Variants in LRR1 observed in about 807,000 individuals in gnomAD.
The protein encoded by LRR1 is leucine rich repeat protein 1.
Under a neutral mutation model 31.6 loss-of-function variants are expected in LRR1, and 29 were observed. The ratio of observed to expected loss-of-function variants is 0.92; its 90% CI spans 0.68 to 1.25. The LOEUF is 1.25. Ranked by LOEUF, LRR1 falls within the 50% of genes most tolerant of loss-of-function variation. LRR1 has a pLI of 0.00. For synonymous variants in LRR1, 179 were observed against 181.4 expected, an observed-to-expected ratio of 0.99 and a Z score of 0.10; for missense variants, 485 against 487.2, an observed-to-expected ratio of 1.00 and a Z score of 0.04.
At chr14:49,604,050 C>A (rs1220234779) in intron 2 of LRR1, among the ~76,000 whole-genome samples, 1 of 151,674 alleles carries the variant, frequency 6.6e-6, no homozygotes, top group African/African-American at 2.4e-5. Context: ...CACCTGTAAT[C>A]CCAGCACTTT....
At position 49,614,362 on chromosome 14, in the gene LRR1, A is replaced by C. The variant is rs1452631467; in HGVS notation, c.1111A>C (p.Thr371Pro). 6.2e-7 allele frequency: 1 copy of C among 1,614,014 alleles called. No individual in the cohort carries two copies. The change falls in exon 4 of 4, where the codon ACT (threonine) becomes CCT (proline). Residue 371 changes from threonine (T) to proline (P), a missense_variant. Thr to Pro is a conservative substitution (Grantham distance 38). Coordinates refer to ENST00000298288, the MANE Select transcript of LRR1 (RefSeq NM_152329.4). ...CTGTCTGAACTCTTTCATTCAAGGA[A>C]CTACTACCATGAATCTGCATTCTGT... ...RFCLNSFIQG[T>P]TTMNLHSVAH...
At chr14:49,602,553 C>G (rs1302284505) in intron 2 of LRR1, 85 bp downstream of exon 2, 1 of 1,150,582 alleles carries the variant, frequency 8.7e-7, no homozygotes, top group African/African-American at 1.5e-5. Context: ...GTCACCCAAG[C>G]TGAAGTACAG....
rs767979908 is a variant in LRR1, at chr14:49,612,527, GT to G, written c.1005-1723del. ...CATGTGGGAGACACTCCCTGGCAGA[GT>G]TTTTTAAAAAATGGTTACTTAAGCA... On this transcript the variant is annotated intron_variant, in intron 3 of 3. Coordinates refer to ENST00000298288, the MANE Select transcript of LRR1 (RefSeq NM_152329.4). 4.1e-6 allele frequency: 5 copies of G among 1,234,554 alleles called. No homozygotes were observed. The South Asian group carries it at 5.7e-5, about 14-fold the overall frequency. 76.5% of individuals were successfully genotyped at this position (1,234,554 alleles called of 1,614,324 possible).
At chr14:49,604,141 A>T (rs111645722) in intron 2 of LRR1, among the ~76,000 whole-genome samples, 21 of 147,772 alleles carry the variant, frequency 1.4e-4, no homozygotes, top group Admixed American at 1.4e-3. Context: ...TGTCTCCACA[A>T]AAAAAAAAAA....
intron 1 of LRR1, chr14:49,599,935 C>T: frequency 2.2e-6 from 3 of 1,381,348 alleles, no homozygotes; most frequent in South Asian, 1.4e-5. Context: ...AGGCTGAGCC[C>T]GGGGCCGGGG....
chr14:49,602,511 T>G (rs773512452), intron 2 of LRR1, 43 bp downstream of exon 2: 1 of 1,524,078 alleles, frequency 6.6e-7, no homozygotes, highest in Admixed American at 1.7e-5. Flanking sequence ...TGGCTGTATT[T>G]TCTTTATTTT....
chr14:49,603,743 G>T lies in LRR1; in HGVS notation c.282+1275G>T, dbSNP rs1265416120. The T allele has an allele frequency of 1.6e-5, 15 of 945,494 alleles. No homozygotes were observed. In the East Asian group the frequency reaches 1.8e-3, roughly 115 times the overall value. 58.6% of individuals were successfully genotyped at this position (945,494 alleles called of 1,614,324 possible). A position where few individuals can be genotyped will look rare whatever the true frequency, so the allele number is the denominator to read the frequency against. ...GAGTCTCTCCCTGTCACCCAGGCTG[G>T]ATTACAGTGGCGTGATCTCAGCTCA... On this transcript the variant is annotated intron_variant, in intron 2 of 3. Coordinates refer to ENST00000298288, the MANE Select transcript of LRR1 (RefSeq NM_152329.4).
chr14:49,601,111 A>G lies in LRR1; in HGVS notation c.184-1259A>G, dbSNP rs1176466682. On this transcript the variant is annotated intron_variant, in intron 1 of 3. Coordinates refer to ENST00000298288, the MANE Select transcript of LRR1 (RefSeq NM_152329.4). ...AAAGGTCGCTCCAAGCGTACAGGAG[A>G]TGGGCCATACCTGAGGAGAGAATGT... 7 of 1,611,120 alleles carry G rather than the reference A, an allele frequency of 4.3e-6. No individual in the cohort carries two copies. In the Admixed American group the frequency reaches 5.0e-5, roughly 12 times the overall value.
intron 3 of LRR1, among the ~76,000 whole-genome samples, chr14:49,613,825 TCAAAAG>T (rs1882603988): frequency 6.6e-6 from 1 of 152,004 alleles, no homozygotes; most frequent in Non-Finnish European, 1.5e-5. Flanking sequence ...AAAGTAAAAA[TCAAAAG>T]TTTGACTTGG....
At chr14:49,601,816 TAA>T (rs11319854) in intron 1 of LRR1, among the ~76,000 whole-genome samples, 38 of 90,722 alleles carry the variant, frequency 4.2e-4, no homozygotes, top group African/African-American at 6.8e-4. Context: ...TCCCAACTGC[TAA>T]AAAAAAAAAA....
Position 49,608,106 on chromosome 14 carries a change from C to G in LRR1, c.989C>G (p.Thr330Ser). The G allele has an allele frequency of 6.3e-7, 1 of 1,579,056 alleles. No homozygotes were observed. The highest frequency in any genetic ancestry group is 8.6e-7 in the Non-Finnish European group (1 of 1,166,804). The change falls in exon 3 of 4, where the codon ACC becomes AGC. Residue 330 changes from threonine to serine, a missense_variant. By Grantham distance (58) the Thr-to-Ser change is moderately conservative. Transcript: ENST00000298288. ...ACTTTATTGGAATCTTCTGCACGAA[C>G]CATATTACATAATAGGTAAGATTTT... ...PLTLLESSAR[T>S]ILHNRIPYGS...
chr14:49,606,113 G>C (rs1446069052), intron 2 of LRR1, among the ~76,000 whole-genome samples: 3 of 147,520 alleles, frequency 2.0e-5, no homozygotes. Context: ...TGCAACCTCT[G>C]CCTCCCAGTT....
Position 49,607,445 on chromosome 14 carries a change from G to A in LRR1, c.328G>A (p.Ala110Thr). ...AGGTTTCCTTTCAGCTATGAGACTG[G>A]CTCATAGAGGCTGTAATGTTGATAC... ...LKGFLSAMRL[A>T]HRGCNVDTPV... Residue 110 changes from alanine (A) to threonine (T), a missense_variant, in exon 3 of 4, where the codon GCT (alanine) becomes ACT (threonine). By Grantham distance (58) the Ala-to-Thr change is moderately conservative. This residue lies in a region of LRR1 where 260 missense variants were observed against 249.6 expected (regional missense o/e 1.04). Transcript: ENST00000298288. 1.9e-6 allele frequency: 3 copies of A among 1,606,096 alleles called. No individual in the cohort carries two copies. Among genetic ancestry groups the A allele is most frequent in the Non-Finnish European group, 2.5e-6 (3 of 1,176,944 alleles).
rs748800368 is a variant in LRR1, at chr14:49,608,019, TTTTTGGAAATAC to T, written c.908_919del (p.Gly303_Phe306del). On this transcript the variant is annotated inframe_deletion, in exon 3 of 4. Coordinates refer to ENST00000298288, the MANE Select transcript of LRR1 (RefSeq NM_152329.4). ...AATTTATCCCTTGAATACTTGGATC[TTTTTGGAAATAC>T]TTTTGAACAACCAAAAGTCCTTCCA... 1.2e-6 allele frequency: 2 copies of T among 1,613,614 alleles called. No homozygotes were observed. Among genetic ancestry groups the T allele is most frequent in the Admixed American group, 1.7e-5 (1 of 59,842 alleles).
chr14:49,600,475 T>A lies in LRR1; in HGVS notation c.183+1272T>A, dbSNP rs536327429. 162 of 1,588,910 alleles carry A rather than the reference T, an allele frequency of 1.0e-4. No homozygotes were observed. The African/African-American group carries it at 1.9e-3, about 19-fold the overall frequency. The stretch of plus-strand genomic sequence containing the variant: ...AAAGAGATAGGAGCATGCTGCTATG[T>A]GGAATGTTCAGCTTTAACCCAGAAG... On this transcript the variant is annotated intron_variant, in intron 1 of 3. Coordinates refer to ENST00000298288, the MANE Select transcript of LRR1 (RefSeq NM_152329.4).
chr14:49,613,303 C>T (rs181392552), intron 3 of LRR1, among the ~76,000 whole-genome samples: 1,895 of 148,152 alleles, frequency 0.013, 39 homozygotes, highest in African/African-American at 0.044. Context: ...TGTGCCACTG[C>T]GCTCCAGCCT....
chr14:49,607,759 AT>A lies in LRR1; in HGVS notation c.645del (p.Phe215LeufsTer3), dbSNP rs1882341742. The A allele has an allele frequency of 2.5e-6, 4 of 1,613,668 alleles. No individual in the cohort carries two copies. In the South Asian group the frequency reaches 4.4e-5, roughly 18 times the overall value. ...ACCTGAATGACAATCACTTGGAGTC[AT>A]TTAGTGTAGCCTTGTGTCATTCTAC... is the stretch of plus-strand genomic sequence containing the variant. ...LNLNDNHLES[F>X]SVALCHSTLQ... On this transcript the variant is annotated frameshift_variant, in exon 3 of 4. Coordinates refer to ENST00000298288, the MANE Select transcript of LRR1 (RefSeq NM_152329.4). LOFTEE classifies it high-confidence loss of function.
chr14:49,603,194 T>C (rs2139536695), intron 2 of LRR1, among the ~76,000 whole-genome samples: 1 of 144,072 alleles, frequency 6.9e-6, no homozygotes, highest in African/African-American at 2.6e-5. Context: ...TGCTATCCCA[T>C]ATAGCCGAAT....
chr14:49,604,147 A>C (rs1437551801), intron 2 of LRR1, among the ~76,000 whole-genome samples: 105 of 151,632 alleles, frequency 6.9e-4, no homozygotes, highest in South Asian at 4.8e-3. Context: ...CACAAAAAAA[A>C]AAAAAAAAAT....
Sources: allele counts gnomAD v4.1 joint callset (sites outside exome capture counted in the v4.1 genomes callset), GRCh38; gene constraint gnomAD v4.1.1; regional missense constraint gnomAD v4.1.1; transcripts MANE v1.5; gene names NCBI Gene and HGNC (gene_info 2026-07-23, HGNC 2026-07-21).